Variants in FRMD4A observed in about 807,000 individuals in gnomAD.
FRMD4A encodes the protein FERM domain-containing protein 4A.
Under a neutral mutation model 129.1 loss-of-function variants are expected in FRMD4A, and 29 were observed. That is an observed-to-expected ratio of 0.22 (90% confidence interval 0.17 to 0.31). The LOEUF (loss-of-function observed/expected upper bound fraction) is 0.31. Ranked by LOEUF, FRMD4A falls within the 10% of genes least tolerant of loss-of-function variation. The pLI is 1.00. For missense variants in FRMD4A, 1,272 were observed against 1,375.8 expected, an observed-to-expected ratio of 0.92 and a Z score of 1.19; for synonymous variants, 634 against 571.6, an observed-to-expected ratio of 1.11 and a Z score of -1.56.
chr10:14,100,624 G>A (rs1260345306), intron 2 of FRMD4A, among the ~76,000 whole-genome samples: 3 of 152,058 alleles, frequency 2.0e-5, no homozygotes, highest in African/African-American at 7.2e-5. Flanking sequence ...AAGCTGCACA[G>A]TGAATCAATA....
intron 2 of FRMD4A, among the ~76,000 whole-genome samples, chr10:14,206,478 A>G (rs1198274681): frequency 1.3e-5 from 2 of 152,054 alleles, no homozygotes; most frequent in Non-Finnish European, 2.9e-5. Context: ...TGTAGACACA[A>G]ATGTTCCATA....
intron 2 of FRMD4A, among the ~76,000 whole-genome samples, chr10:14,002,739 G>A (rs945113278): frequency 6.6e-6 from 1 of 152,194 alleles, no homozygotes; most frequent in African/African-American, 2.4e-5. Context: ...AGCCAGCAGG[G>A]AGAGCATTTA....
At chr10:13,691,896 G>A (rs768830286) in intron 15 of FRMD4A, among the ~76,000 whole-genome samples, 9 of 152,150 alleles carry the variant, frequency 5.9e-5, no homozygotes, top group East Asian at 3.8e-4. Context: ...GACTGGGAGC[G>A]GCTGTAATTC....
chr10:13,898,507 G>T (rs1209957274), intron 2 of FRMD4A, among the ~76,000 whole-genome samples: 1 of 152,226 alleles, frequency 6.6e-6, no homozygotes, highest in Non-Finnish European at 1.5e-5. Flanking sequence ...TGGGTTTAGA[G>T]AAATAAATTA....
intron 16 of FRMD4A, 84 bp from the exon 17 acceptor site, chr10:13,670,612 C>A: frequency 2.1e-6 from 3 of 1,427,516 alleles, no homozygotes; most frequent in Non-Finnish European, 2.9e-6. Context: ...CACGCACATA[C>A]ACGCACACAA....
chr10:13,979,164 G>T (rs1465383261), intron 2 of FRMD4A, among the ~76,000 whole-genome samples: 1 of 152,072 alleles, frequency 6.6e-6, no homozygotes, highest in Admixed American at 6.5e-5. Context: ...TACGTACTTC[G>T]CAAGCATGCA....
chr10:14,063,073 C>T lies in FRMD4A; in HGVS notation c.46-204161G>A, dbSNP rs143027632. On this transcript the variant is annotated intron_variant, in intron 2 of 24. Coordinates refer to ENST00000357447, the MANE Select transcript of FRMD4A (RefSeq NM_018027.5). ...AATTACACAACTTAGCTATGACTTA[C>T]GAAACACTTAATATGGGCCAGACAT... 2.5e-3 allele frequency among the ~76,000 whole-genome samples: 381 copies of T among 152,266 alleles called. 5 individuals are homozygous for T. The highest frequency in any genetic ancestry group is 8.2e-3 in the African/African-American group (341 of 41,552).
chr10:13,656,670 G>A lies in FRMD4A; in HGVS notation c.2919C>T (p.Val973=). 1 of 1,519,268 alleles carries A rather than the reference G, an allele frequency of 6.6e-7. No individual in the cohort carries two copies. The highest frequency in any genetic ancestry group is 8.8e-7 in the Non-Finnish European group (1 of 1,130,476). 94.1% of individuals were successfully genotyped at this position (1,519,268 alleles called of 1,614,324 possible). ...SQSTFVAHSR[V]TRMPQMCKAT... is the part of the protein sequence containing the mutation. ...CCTTGCACATCTGGGGCATCCTGGT[G>A]ACCCTGCTGTGCGCCACGAAGGTGC... is the stretch of plus-strand genomic sequence containing the variant. Residue 973 remains valine (V), a synonymous_variant, in exon 22 of 25, where the codon GTC becomes GTT. Coordinates refer to ENST00000357447, the MANE Select transcript of FRMD4A (RefSeq NM_018027.5).
intron 2 of FRMD4A, among the ~76,000 whole-genome samples, chr10:13,994,012 CCTT>C (rs957378937): frequency 1.6e-5 from 2 of 123,056 alleles, no homozygotes; most frequent in African/African-American, 5.4e-5. Context: ...GTGGGACAGT[CCTT>C]TTTTTTTTTT....
chr10:14,168,791 A>G (rs1205873800), intron 2 of FRMD4A, among the ~76,000 whole-genome samples: 1 of 152,238 alleles, frequency 6.6e-6, no homozygotes, highest in Non-Finnish European at 1.5e-5. Context: ...TTATACAGAA[A>G]AAAACTGAGG....
In FRMD4A at chr10:13,858,807, T is replaced by A. The variant is rs145463840; in HGVS notation, c.111+40A>T. On this transcript the variant is annotated intron_variant, in intron 3 of 24. Transcript: ENST00000357447. ...GGATCAAGGTCTGAAACCACATCAG[T>A]CACCAAAGAAACTCAGAAAGTTGAC... 1.1e-4 allele frequency: 129 copies of A among 1,172,648 alleles called. No individual in the cohort carries two copies. In the African/African-American group the frequency reaches 1.6e-3, roughly 15 times the overall value. 72.6% of individuals were successfully genotyped at this position (1,172,648 alleles called of 1,614,324 possible).
chr10:13,744,264 G>A (rs2091176502), intron 9 of FRMD4A, among the ~76,000 whole-genome samples: 1 of 152,118 alleles, frequency 6.6e-6, no homozygotes, highest in African/African-American at 2.4e-5. Context: ...AGGCCCGCGA[G>A]GCAGAATCCA....
intron 3 of FRMD4A, among the ~76,000 whole-genome samples, chr10:13,847,780 T>C (rs752385598): frequency 2.8e-4 from 43 of 152,336 alleles, no homozygotes; most frequent in South Asian, 4.1e-4. Flanking sequence ...AAAATAATCA[T>C]TGACCACCTC....
At chr10:13,700,937 G>A (rs2086771524) in intron 14 of FRMD4A, among the ~76,000 whole-genome samples, 1 of 146,514 alleles carries the variant, frequency 6.8e-6, no homozygotes, top group Admixed American at 7.1e-5. Flanking sequence ...AAACAGTTAG[G>A]TGGTGTCTAT....
chr10:14,049,159 T>A (rs1391762921), intron 2 of FRMD4A, among the ~76,000 whole-genome samples: 1 of 152,198 alleles, frequency 6.6e-6, no homozygotes, highest in Non-Finnish European at 1.5e-5. Context: ...CCTGTTCAGT[T>A]CATTACAGAA....
intron 2 of FRMD4A, among the ~76,000 whole-genome samples, chr10:14,142,586 C>A (rs1387982575): frequency 6.6e-6 from 1 of 152,182 alleles, no homozygotes; most frequent in East Asian, 1.9e-4. Flanking sequence ...GTTTGAATCA[C>A]TATTACCATC....
chr10:14,178,577 G>A (rs145020964), intron 2 of FRMD4A, among the ~76,000 whole-genome samples: 1,987 of 152,266 alleles, frequency 0.013, 22 homozygotes, highest in Non-Finnish European at 0.018. Flanking sequence ...AGAGGGTGGT[G>A]GGGATTAGAA....
At chr10:14,105,742 T>C (rs952335998) in intron 2 of FRMD4A, among the ~76,000 whole-genome samples, 9 of 152,238 alleles carry the variant, frequency 5.9e-5, no homozygotes, top group African/African-American at 2.2e-4. Context: ...TTTTAATCTA[T>C]AGATTTCCCC....
intron 2 of FRMD4A, among the ~76,000 whole-genome samples, chr10:14,144,836 G>A (rs994349336): frequency 7.9e-5 from 12 of 152,188 alleles, no homozygotes; most frequent in Non-Finnish European, 1.5e-4. Context: ...GAGCAGCAGA[G>A]GAGAGGGTGA....
Sources: gnomAD v4.1 joint callset for allele counts (sites outside exome capture counted in the v4.1 genomes callset) on GRCh38, gnomAD v4.1.1 for gene constraint, MANE v1.5 for transcripts, NCBI Gene and HGNC (gene_info 2026-07-23, HGNC 2026-07-21) for gene names.